The following UNC93A variants were observed in gnomAD, a reference collection of about 807,000 sequenced individuals.
UNC93A encodes the protein N-acetylglucosamine transporter UNC93A.
Under a neutral mutation model 47.5 loss-of-function variants are expected in UNC93A, and 43 were observed. The observed-to-expected ratio is 0.91, with a 90% CI of 0.71 to 1.17. The LOEUF (loss-of-function observed/expected upper bound fraction) is 1.17. UNC93A is among the 50% of genes most tolerant of loss of function. UNC93A has a pLI of 0.00. For missense variants in UNC93A, 605 were observed against 577.6 expected, an observed-to-expected ratio of 1.05 and a Z score of -0.49; for synonymous variants, 280 against 258.0, an observed-to-expected ratio of 1.09 and a Z score of -0.82.
chr6:167,304,237 A>G (rs1778320502), intron 5 of UNC93A, 104 bp downstream of exon 5: 8 of 1,312,548 alleles, frequency 6.1e-6, no homozygotes, highest in Non-Finnish European at 8.6e-6. Context: ...CCACCTGCCC[A>G]GGGCTGGGGC....
At chr6:167,312,741 C>T (rs1778594769) in intron 7 of UNC93A, among the ~76,000 whole-genome samples, 1 of 152,234 alleles carries the variant, frequency 6.6e-6, no homozygotes, top group Non-Finnish European at 1.5e-5. Flanking sequence ...AGTCTACTTT[C>T]CTTTTTAAAA....
At chr6:167,278,262 A>T (rs1023976116) in intron 1 of UNC93A, among the ~76,000 whole-genome samples, 4 of 152,202 alleles carry the variant, frequency 2.6e-5, no homozygotes, top group African/African-American at 9.7e-5. Flanking sequence ...GTTTGACAAC[A>T]TGGTGTCTAG....
In UNC93A at chr6:167,294,563, C is replaced by T. The variant is rs762572347; in HGVS notation, c.134C>T (p.Thr45Ile). The change falls in exon 2 of 8, where the codon ACC (threonine) becomes ATC (isoleucine). Residue 45 changes from threonine to isoleucine, a missense_variant. Physicochemically the swap from Thr to Ile is moderately conservative, Grantham distance 89 (BLOSUM62 -1). Transcript: ENST00000230256. ...GGCCTGGGTGTCACAGCGCTCAGCACCCTCTATGGAGGCATGCTCCTGTCC... is the reference window on the plus strand; with the variant it reads ...GGCCTGGGTGTCACAGCGCTCAGCATCCTCTATGGAGGCATGCTCCTGTCC... ...EEGLGVTALS[T>I]LYGGMLLSSM... 5 of 1,614,088 alleles carry T rather than the reference C, an allele frequency of 3.1e-6. No homozygotes were observed. The highest frequency in any genetic ancestry group is 2.7e-5 in the African/African-American group (2 of 75,008).
chr6:167,306,811 G>A (rs867274968), intron 6 of UNC93A, among the ~76,000 whole-genome samples: 1 of 152,192 alleles, frequency 6.6e-6, no homozygotes, highest in East Asian at 1.9e-4. Flanking sequence ...ACAGCCCTGG[G>A]GCATGCGGTG....
rs773968063 is a variant in UNC93A, at chr6:167,307,740, GGC to G, written c.977-38_977-37del. On this transcript the variant is annotated intron_variant, in intron 6 of 7. Coordinates refer to ENST00000230256, the MANE Select transcript of UNC93A (RefSeq NM_018974.4). ...CCAGGCCCCTCCAGGCCATGATGAT[GGC>G]CCTCATCGCCTGGCGGTTTCCCCTC... 7 of 1,577,126 alleles carry G rather than the reference GGC, an allele frequency of 4.4e-6. No individual in the cohort carries two copies. In the African/African-American group the frequency reaches 1.1e-4, roughly 24 times the overall value.
intron 1 of UNC93A, among the ~76,000 whole-genome samples, chr6:167,271,842 A>G (rs1245381280): frequency 6.6e-6 from 1 of 152,124 alleles, no homozygotes; most frequent in Non-Finnish European, 1.5e-5. Flanking sequence ...TAGAGGAGTG[A>G]CAAGACAAAG....
chr6:167,280,809 T>C (rs1159528352), intron 1 of UNC93A, among the ~76,000 whole-genome samples: 4 of 152,104 alleles, frequency 2.6e-5, no homozygotes, highest in Admixed American at 2.0e-4. Flanking sequence ...TACAGCAGTA[T>C]TGAGTTAGGT....
chr6:167,309,533 C>G (rs1366767411), intron 7 of UNC93A, among the ~76,000 whole-genome samples: 2 of 152,134 alleles, frequency 1.3e-5, no homozygotes, highest in Admixed American at 1.3e-4. Context: ...GACCCTCTTC[C>G]CTTCAGGAGA....
At chr6:167,305,063 G>A (rs1160345508) in intron 5 of UNC93A, among the ~76,000 whole-genome samples, 1 of 152,166 alleles carries the variant, frequency 6.6e-6, no homozygotes, top group African/African-American at 2.4e-5. Flanking sequence ...AAGGGCCTGT[G>A]TCTGGCAGAG....
intron 1 of UNC93A, among the ~76,000 whole-genome samples, chr6:167,285,590 G>T (rs1474617484): frequency 6.6e-6 from 1 of 151,658 alleles, no homozygotes; most frequent in East Asian, 2.0e-4. Context: ...CGTGGAAGCG[G>T]CTTCCCTGCA....
chr6:167,305,427 C>T (rs531717740), intron 5 of UNC93A, among the ~76,000 whole-genome samples: 9 of 152,176 alleles, frequency 5.9e-5, no homozygotes, highest in Admixed American at 1.3e-4. Context: ...TCTGCGTGCC[C>T]GCCCTTGAGG....
At chr6:167,310,814 G>A (rs543659755) in intron 7 of UNC93A, among the ~76,000 whole-genome samples, 1 of 152,356 alleles carries the variant, frequency 6.6e-6, no homozygotes, top group South Asian at 2.1e-4. Flanking sequence ...CTGGGAGGCA[G>A]AGGTTGCAGT....
intron 1 of UNC93A, among the ~76,000 whole-genome samples, chr6:167,292,579 A>G (rs73264828): frequency 0.019 from 2,854 of 152,304 alleles, 93 homozygotes; most frequent in African/African-American, 0.065. Flanking sequence ...GATCAGGCTT[A>G]CAGAGGATAA....
chr6:167,270,471 G>A (rs1215601603), upstream of UNC93A, among the ~76,000 whole-genome samples: 5 of 152,102 alleles, frequency 3.3e-5, no homozygotes, highest in Admixed American at 6.5e-5. Context: ...GCCCCATCAC[G>A]AAGGACATGG....
chr6:167,314,574 C>T (rs774829550), intron 7 of UNC93A, among the ~76,000 whole-genome samples: 2 of 152,218 alleles, frequency 1.3e-5, no homozygotes, highest in African/African-American at 2.4e-5. Context: ...CTCCAAAATC[C>T]CTAAGCTAAA....
intron 1 of UNC93A, among the ~76,000 whole-genome samples, chr6:167,280,119 C>G (rs1382834048): frequency 6.6e-6 from 1 of 152,142 alleles, no homozygotes; most frequent in Non-Finnish European, 1.5e-5. Flanking sequence ...TTTGAGATTT[C>G]AAAACCCAAT....
intron 1 of UNC93A, among the ~76,000 whole-genome samples, chr6:167,280,916 A>G (rs1381402256): frequency 3.3e-5 from 5 of 152,180 alleles, no homozygotes; most frequent in Admixed American, 6.5e-5. Context: ...GTACAAATTT[A>G]TCTCTATCAC....
At chr6:167,296,346 C>T (rs775906427) in intron 3 of UNC93A, 85 bp downstream of exon 3, 2 of 1,396,314 alleles carry the variant, frequency 1.4e-6, no homozygotes, top group Non-Finnish European at 2.0e-6. Flanking sequence ...TTCAGTTGCA[C>T]ACCTGCCTTG....
chr6:167,286,497 A>G (rs1258636106), upstream of UNC93A, among the ~76,000 whole-genome samples: 4 of 152,206 alleles, frequency 2.6e-5, no homozygotes, highest in African/African-American at 9.7e-5. Context: ...GAGCGAAGGG[A>G]CTGCAAATAG....
Sources: allele counts gnomAD v4.1 joint callset (sites outside exome capture counted in the v4.1 genomes callset), GRCh38; gene constraint gnomAD v4.1.1; transcripts MANE v1.5; gene names NCBI Gene and HGNC (gene_info 2026-07-23, HGNC 2026-07-21).